The following PITPNM2 variants were observed in gnomAD, a reference collection of about 807,000 sequenced individuals.
PITPNM2 encodes membrane-associated phosphatidylinositol transfer protein 2.
Under a neutral mutation model 132.2 loss-of-function variants are expected in PITPNM2, and 35 were observed. The observed-to-expected ratio is 0.26, with a 90% confidence interval of 0.20 to 0.35. The LOEUF (loss-of-function observed/expected upper bound fraction) is 0.35. Ranked by LOEUF, PITPNM2 falls within the 10% of genes least tolerant of loss-of-function variation. The pLI is 1.00. For missense variants in PITPNM2, 1,332 were observed against 1,912.0 expected (o/e 0.70, Z 5.66); for synonymous variants, 738 against 799.2 (o/e 0.92, Z 1.29).
intron 19 of PITPNM2, 45 bp from the exon 20 acceptor site, chr12:122,988,395 G>A (rs982815440): frequency 6.5e-7 from 1 of 1,544,064 alleles, no homozygotes; most frequent in Admixed American, 1.7e-5. Flanking sequence ...ATGCCACCCG[G>A]GGGCTTCCTG....
In PITPNM2 at chr12:123,034,647, G is replaced by C; in HGVS notation, c.-57C>G. 1.3e-6 allele frequency: 2 copies of C among 1,503,822 alleles called. No homozygotes were observed. The highest frequency in any genetic ancestry group is 1.9e-6 in the Non-Finnish European group (2 of 1,079,586). The allele number at this position is 1,503,822 out of a possible 1,614,324, so 93.2% of individuals were successfully genotyped here. ...ACTGCAAGTTGGGACTTCTAGGCAA[G>C]GTTCCTTAAATAACCATGACAAAAT... On this transcript the variant is annotated 5_prime_UTR_variant, in exon 3 of 26. Coordinates refer to ENST00000320201, the MANE Select transcript of PITPNM2 (RefSeq NM_020845.3).
At chr12:123,010,990 TGG>T (rs2039175746) in intron 5 of PITPNM2, among the ~76,000 whole-genome samples, 1 of 152,004 alleles carries the variant, frequency 6.6e-6, no homozygotes, top group South Asian at 2.1e-4. Context: ...GACAAGAAGA[TGG>T]GTGATGGCTC....
intron 3 of PITPNM2, among the ~76,000 whole-genome samples, chr12:123,019,483 C>A (rs908869366): frequency 2.0e-5 from 3 of 152,186 alleles, no homozygotes; most frequent in Non-Finnish European, 2.9e-5. Context: ...GAACACCAGG[C>A]CGATGAGGGC....
At chr12:123,039,763 G>C (rs528387123) in intron 2 of PITPNM2, among the ~76,000 whole-genome samples, 1 of 152,168 alleles carries the variant, frequency 6.6e-6, no homozygotes, top group Non-Finnish European at 1.5e-5. Context: ...ACATTGATGT[G>C]TGATGCTGAG....
chr12:123,040,168 G>T (rs991733123), intron 2 of PITPNM2, among the ~76,000 whole-genome samples: 1 of 152,118 alleles, frequency 6.6e-6, no homozygotes, highest in African/African-American at 2.4e-5. Flanking sequence ...AAAAATTAAT[G>T]ACTTTAACCT....
chr12:123,068,322 C>T (rs1207133860), intron 2 of PITPNM2, among the ~76,000 whole-genome samples: 2 of 152,058 alleles, frequency 1.3e-5, no homozygotes, highest in Non-Finnish European at 2.9e-5. Flanking sequence ...AAAAAATTAG[C>T]CGGGTGAGGT....
At chr12:122,999,214 G>A (rs1393285148) in intron 10 of PITPNM2, among the ~76,000 whole-genome samples, 1 of 152,134 alleles carries the variant, frequency 6.6e-6, no homozygotes, top group African/African-American at 2.4e-5. Context: ...TGCTGAGCTG[G>A]AGGAGGAAGG....
chr12:122,987,929 AG>A, intron 20 of PITPNM2, 28 bp from the exon 21 acceptor site: 1 of 1,578,260 alleles, frequency 6.3e-7, no homozygotes, highest in Non-Finnish European at 8.6e-7. Flanking sequence ...AGCCCAGGTC[AG>A]GGGGTCGGAG....
At chr12:123,052,784 GTTTTT>G (rs34269675) in intron 2 of PITPNM2, among the ~76,000 whole-genome samples, 1 of 140,816 alleles carries the variant, frequency 7.1e-6, no homozygotes, top group Non-Finnish European at 1.5e-5. Flanking sequence ...TTTTATTTAA[GTTTTT>G]TTTTTTTTTT....
rs147468917 is a variant in PITPNM2 at position 122,997,414 on chromosome 12, G to T, written c.1383C>A (p.Arg461=). The change falls in exon 11 of 26, where the codon CGC becomes CGA. Residue 461 remains arginine, a synonymous_variant. Transcript: ENST00000320201. ...TIANVFDTVM[R]VHYPSALGRL... ...GGCCCAGGGCGCTGGGGTAGTGCACGCGCATGACGGTGTCGAACACGTTGG... is the reference window on the plus strand; with the variant it reads ...GGCCCAGGGCGCTGGGGTAGTGCACTCGCATGACGGTGTCGAACACGTTGG... 6.2e-6 allele frequency: 10 copies of T among 1,613,378 alleles called. No homozygotes were observed. The highest frequency in any genetic ancestry group is 8.5e-6 in the Non-Finnish European group (10 of 1,180,004).
chr12:122,996,365 TG>T, intron 13 of PITPNM2, 92 bp downstream of exon 13: 1 of 1,533,788 alleles, frequency 6.5e-7, no homozygotes, highest in Non-Finnish European at 8.8e-7. Flanking sequence ...GGACACAGCC[TG>T]GGGCCAGGTG....
At chr12:123,124,099 CA>C (rs1013318780) in intron 1 of PITPNM2, among the ~76,000 whole-genome samples, 1 of 151,300 alleles carries the variant, frequency 6.6e-6, no homozygotes, top group Non-Finnish European at 1.5e-5. Flanking sequence ...ACTAAAAATA[CA>C]AAAAAATTAG....
At chr12:123,065,518 T>C (rs767927279) in intron 2 of PITPNM2, among the ~76,000 whole-genome samples, 42 of 152,280 alleles carry the variant, frequency 2.8e-4, no homozygotes, top group Non-Finnish European at 5.7e-4. Flanking sequence ...CCAGGCTCTG[T>C]GGGAGCAGCT....
chr12:123,042,745 G>A (rs1360866827), intron 2 of PITPNM2, among the ~76,000 whole-genome samples: 1 of 152,138 alleles, frequency 6.6e-6, no homozygotes, highest in Non-Finnish European at 1.5e-5. Context: ...TCCCAATCAG[G>A]AGCTGAAGCA....
In PITPNM2 at chr12:123,004,091, G is replaced by A. The variant is rs905072554; in HGVS notation, c.1048+303C>T. 4.6e-5 allele frequency among the ~76,000 whole-genome samples: 7 copies of A among 152,198 alleles called. No homozygotes were observed. The highest frequency in any genetic ancestry group is 8.8e-5 in the Non-Finnish European group (6 of 68,038). On this transcript the variant is annotated intron_variant, in intron 8 of 25. Transcript: ENST00000320201. This position sits in a 1 kb window ranked among gnomAD's most constrained non-coding sequence, Gnocchi z 4.9. ...AATTCACATACGGAATAAAGCCCTA[G>A]TCTGATGGTGTATCCTTATTTGGGG...
chr12:123,015,629 T>C (rs1427984483), intron 3 of PITPNM2, among the ~76,000 whole-genome samples: 1 of 151,740 alleles, frequency 6.6e-6, no homozygotes, highest in Non-Finnish European at 1.5e-5. Context: ...AGAAATAAAA[T>C]CACAAAATGA....
rs1462871445 is a variant in PITPNM2, at chr12:123,009,064, G to GT, written c.643+785dup. ...GGAGTGACAATGCCTACCCTCATGG[G>GT]TTATCGTAAGCTTACGTGACAAGCG... is the stretch of plus-strand genomic sequence containing the variant. On this transcript the variant is annotated intron_variant, in intron 6 of 25. Transcript: ENST00000320201. This position sits in a 1 kb window ranked among gnomAD's most constrained non-coding sequence, Gnocchi z 4.8. Among the ~76,000 whole-genome samples the GT allele has an allele frequency of 2.6e-5, 4 of 152,214 alleles. No homozygotes were observed. Among genetic ancestry groups the GT allele is most frequent in the Non-Finnish European group, 4.4e-5 (3 of 68,028 alleles).
At chr12:122,989,376 C>T (rs2038085574) in intron 18 of PITPNM2, among the ~76,000 whole-genome samples, 1 of 152,188 alleles carries the variant, frequency 6.6e-6, no homozygotes, top group Non-Finnish European at 1.5e-5. Flanking sequence ...GAAGCCTGGG[C>T]CTCCAGATGG....
chr12:123,046,728 T>G (rs1006884369), intron 2 of PITPNM2, among the ~76,000 whole-genome samples: 1 of 151,468 alleles, frequency 6.6e-6, no homozygotes, highest in African/African-American at 2.5e-5. Flanking sequence ...TCACTTGGCA[T>G]CATGTTTTTG....
Sources: allele counts gnomAD v4.1 joint callset (sites outside exome capture counted in the v4.1 genomes callset), GRCh38; gene constraint gnomAD v4.1.1; non-coding constraint Gnocchi (gnomAD v3.1); transcripts MANE v1.5; gene names NCBI Gene and HGNC (gene_info 2026-07-23, HGNC 2026-07-21).